The following DLGAP2 variants were observed in gnomAD, a reference collection of about 807,000 sequenced individuals.
DLGAP2 encodes disks large-associated protein 2.
In DLGAP2, 26 loss-of-function variants were observed where a neutral mutation model predicts 100.3. The ratio of observed to expected loss-of-function variants is 0.26; its 90% CI spans 0.19 to 0.36. DLGAP2 has a LOEUF of 0.36. Ranked by LOEUF, DLGAP2 falls within the 10% of genes least tolerant of loss-of-function variation. The pLI, the probability that DLGAP2 is intolerant of heterozygous loss-of-function variation, is 1.00. For synonymous variants in DLGAP2, 886 were observed against 630.1 expected (o/e 1.41, Z -6.08); for missense variants, 1,858 against 1,453.2 (o/e 1.28, Z -4.53).
chr8:1,191,317 C>G lies in DLGAP2; in HGVS notation c.74-67534C>G, dbSNP rs192049018. On this transcript the variant is annotated intron_variant, in intron 2 of 14. Transcript: ENST00000637795. ...TCCCGAGTAGCTGGGACTACAGGCA[C>G]CCGCCACCACGCCCGGCTAATTTTT... Among the ~76,000 whole-genome samples the G allele has an allele frequency of 7.4e-3, 1,130 of 151,890 alleles. 20 individuals are homozygous for G. Among genetic ancestry groups the G allele is most frequent in the African/African-American group, 0.026 (1,073 of 41,416 alleles).
chr8:1,020,880 C>T (rs1052741911), intron 2 of DLGAP2, among the ~76,000 whole-genome samples: 6 of 152,230 alleles, frequency 3.9e-5, no homozygotes, highest in African/African-American at 1.4e-4. Context: ...CTCAGCACAG[C>T]TGGGACCATC....
intron 2 of DLGAP2, among the ~76,000 whole-genome samples, chr8:1,098,826 C>T (rs531333962): frequency 6.7e-6 from 1 of 149,198 alleles, no homozygotes; most frequent in African/African-American, 2.5e-5. Context: ...GGCTCCCGGC[C>T]GCGCACGGAC....
intron 2 of DLGAP2, among the ~76,000 whole-genome samples, chr8:1,030,525 A>G (rs1020114515): frequency 6.6e-6 from 1 of 152,172 alleles, no homozygotes; most frequent in African/African-American, 2.4e-5. Flanking sequence ...TGCTCTAAAT[A>G]TTGGGAAGAG....
intron 3 of DLGAP2, among the ~76,000 whole-genome samples, chr8:1,464,299 TGGCACCCTTCCAG>T (rs1798552688): frequency 3.9e-5 from 1 of 25,632 alleles, no homozygotes. Context: ...CCTTCCAGGA[TGGCACCCTTCCAG>T]GACAACGCCC....
chr8:1,102,146 CTT>C (rs1251453951), intron 2 of DLGAP2, among the ~76,000 whole-genome samples: 1 of 149,496 alleles, frequency 6.7e-6, no homozygotes, highest in Non-Finnish European at 1.5e-5. Flanking sequence ...TTAGTAAAAG[CTT>C]AATATATATT....
chr8:1,674,374 G>A (rs772050916), intron 10 of DLGAP2, among the ~76,000 whole-genome samples: 16 of 152,110 alleles, frequency 1.1e-4, no homozygotes, highest in African/African-American at 3.1e-4. Flanking sequence ...GTAGTATTCC[G>A]TGTCACAAGT....
chr8:1,195,082 T>G (rs35574164), intron 2 of DLGAP2, among the ~76,000 whole-genome samples: 1 of 152,196 alleles, frequency 6.6e-6, no homozygotes, highest in African/African-American at 2.4e-5. Context: ...CTCAAGCTCT[T>G]TCCAGGCCCC....
intron 2 of DLGAP2, among the ~76,000 whole-genome samples, chr8:1,177,018 G>T (rs930790093): frequency 2.0e-5 from 3 of 152,242 alleles, no homozygotes; most frequent in Non-Finnish European, 4.4e-5. Context: ...GTCAGTCCTT[G>T]AGATCATCGT....
intron 1 of DLGAP2, among the ~76,000 whole-genome samples, chr8:880,954 C>T (rs1453503869): frequency 6.6e-6 from 1 of 152,232 alleles, no homozygotes; most frequent in Non-Finnish European, 1.5e-5. Context: ...TATCTAATTG[C>T]ACAGCCAACT....
chr8:1,319,601 G>A (rs1181372293), intron 3 of DLGAP2, among the ~76,000 whole-genome samples: 2 of 152,334 alleles, frequency 1.3e-5, no homozygotes, highest in African/African-American at 2.4e-5. Context: ...TAGGCTTGCT[G>A]GACGTCCATC....
chr8:861,304 C>A (rs1797385734), intron 1 of DLGAP2, among the ~76,000 whole-genome samples: 1 of 152,120 alleles, frequency 6.6e-6, no homozygotes. Flanking sequence ...AGACACTGCC[C>A]CTTTTTATAT....
intron 2 of DLGAP2, among the ~76,000 whole-genome samples, chr8:1,115,718 A>T (rs77004722): frequency 1.3e-5 from 2 of 152,104 alleles, no homozygotes; most frequent in Non-Finnish European, 2.9e-5. Context: ...ACCACTGGCT[A>T]TGTAGAGTTA....
intron 6 of DLGAP2, among the ~76,000 whole-genome samples, chr8:1,626,365 G>T (rs1342205243): frequency 8.4e-6 from 1 of 119,264 alleles, no homozygotes; most frequent in Non-Finnish European, 1.7e-5. Context: ...TGCAGCAGGT[G>T]CTCAGCCTCT....
intron 2 of DLGAP2, among the ~76,000 whole-genome samples, chr8:1,171,241 G>C (rs1209502233): frequency 6.6e-6 from 1 of 152,172 alleles, no homozygotes; most frequent in Non-Finnish European, 1.5e-5. Flanking sequence ...ACTGTGGTCT[G>C]AGAGATAGTT....
intron 2 of DLGAP2, among the ~76,000 whole-genome samples, chr8:947,310 G>A (rs1188951692): frequency 6.6e-6 from 1 of 152,210 alleles, no homozygotes; most frequent in African/African-American, 2.4e-5. Context: ...TTGGGCCCTG[G>A]GGACGGGGGC....
intron 1 of DLGAP2, among the ~76,000 whole-genome samples, chr8:864,024 G>T (rs1231691946): frequency 6.6e-6 from 1 of 152,204 alleles, no homozygotes; most frequent in Non-Finnish European, 1.5e-5. Context: ...CCATCAAAAG[G>T]ATGAAATCCT....
At chr8:1,596,691 A>G (rs1051260419) in intron 6 of DLGAP2, among the ~76,000 whole-genome samples, 8 of 152,010 alleles carry the variant, frequency 5.3e-5, no homozygotes, top group Admixed American at 4.6e-4. Context: ...ATGCCTGTTC[A>G]TATCGTTCAC....
At chr8:1,079,167 T>C (rs144022453) in intron 2 of DLGAP2, among the ~76,000 whole-genome samples, 380 of 152,312 alleles carry the variant, frequency 2.5e-3, no homozygotes, top group African/African-American at 8.5e-3. Flanking sequence ...GGAGTGTCTT[T>C]TCAGATGTTT....
intron 3 of DLGAP2, among the ~76,000 whole-genome samples, chr8:1,282,269 C>T (rs1321976234): frequency 2.0e-5 from 3 of 146,710 alleles, no homozygotes; most frequent in Non-Finnish European, 4.5e-5. Flanking sequence ...GCGCCCTGAA[C>T]CATCCGGACA....
Sources: allele counts gnomAD v4.1 joint callset (sites outside exome capture counted in the v4.1 genomes callset), GRCh38; gene constraint gnomAD v4.1.1; transcripts MANE v1.5; gene names NCBI Gene and HGNC (gene_info 2026-07-23, HGNC 2026-07-21).